RFC3: variants seen among roughly 807,000 people sequenced by gnomAD.
RFC3 encodes the protein A1 38 kDa subunit.
In RFC3, 41 loss-of-function variants were observed where a neutral mutation model predicts 45.1. The observed-to-expected ratio is 0.91, with a 90% confidence interval of 0.71 to 1.18. The LOEUF (loss-of-function observed/expected upper bound fraction) is 1.18. Among genes scored for constraint, RFC3 ranks in the 50% most tolerant of loss-of-function variants. The pLI is 0.00. For missense variants in RFC3, 423 were observed against 428.1 expected, an observed-to-expected ratio of 0.99 and a Z score of 0.10; for synonymous variants, 149 against 144.0, an observed-to-expected ratio of 1.03 and a Z score of -0.25.
intron 8 of RFC3, among the ~76,000 whole-genome samples, chr13:33,914,512 A>G (rs1461739512): frequency 5.9e-5 from 9 of 152,136 alleles, no homozygotes; most frequent in Non-Finnish European, 1.3e-4. Flanking sequence ...ATATTTTAAG[A>G]AAACAGTATG....
intron 8 of RFC3, among the ~76,000 whole-genome samples, chr13:33,885,426 T>G (rs971812493): frequency 4.6e-5 from 7 of 152,168 alleles, no homozygotes; most frequent in Admixed American, 6.5e-5. Flanking sequence ...GCTTTTACTG[T>G]AACCATCACC....
intron 8 of RFC3, among the ~76,000 whole-genome samples, chr13:33,860,555 G>A (rs955947332): frequency 1.3e-5 from 2 of 151,942 alleles, no homozygotes; most frequent in East Asian, 3.9e-4. Flanking sequence ...TGCCTGCTTT[G>A]GATGTGTTTT....
At chr13:33,957,044 A>C (rs2083026412) in intron 8 of RFC3, among the ~76,000 whole-genome samples, 2 of 152,162 alleles carry the variant, frequency 1.3e-5, no homozygotes, top group Non-Finnish European at 2.9e-5. Flanking sequence ...ATCATCGTCA[A>C]CTATTATCTA....
At chr13:33,895,618 A>C (rs1021453316) in intron 8 of RFC3, among the ~76,000 whole-genome samples, 4 of 152,170 alleles carry the variant, frequency 2.6e-5, no homozygotes, top group African/African-American at 9.6e-5. Context: ...TATTTCTAAA[A>C]GTAGATCTAC....
At chr13:33,822,777 T>C (rs899808523) in intron 2 of RFC3, among the ~76,000 whole-genome samples, 69 of 152,306 alleles carry the variant, frequency 4.5e-4, no homozygotes, top group African/African-American at 1.6e-3. Flanking sequence ...TTTTAGACTA[T>C]ATGAATTGCT....
intron 8 of RFC3, among the ~76,000 whole-genome samples, chr13:33,856,905 A>C (rs994222747): frequency 3.3e-5 from 5 of 152,158 alleles, no homozygotes; most frequent in African/African-American, 1.2e-4. Flanking sequence ...TTCCAGAGAG[A>C]GACAGGTGGT....
intron 8 of RFC3, among the ~76,000 whole-genome samples, chr13:33,896,495 G>C (rs115916622): frequency 0.063 from 9,539 of 151,660 alleles, 726 homozygotes; most frequent in African/African-American, 0.18. Context: ...AGGCCAAGAA[G>C]GGTGGATCAC....
intron 8 of RFC3, among the ~76,000 whole-genome samples, chr13:33,896,373 A>G (rs1004892465): frequency 1.3e-4 from 20 of 152,066 alleles, no homozygotes; most frequent in Non-Finnish European, 2.6e-4. Flanking sequence ...AGGGCATATA[A>G]TAGTTAAACT....
chr13:33,867,652 C>T (rs1417522028), intron 8 of RFC3, among the ~76,000 whole-genome samples: 1 of 152,100 alleles, frequency 6.6e-6, no homozygotes, highest in African/African-American at 2.4e-5. Flanking sequence ...TTACAGCTGC[C>T]CCCTACAGGC....
intron 8 of RFC3, among the ~76,000 whole-genome samples, chr13:33,925,076 T>C (rs2082795742): frequency 7.0e-6 from 1 of 141,922 alleles, no homozygotes; most frequent in South Asian, 2.2e-4. Flanking sequence ...TAGTGTACTA[T>C]ATACACGCAT....
At chr13:33,946,865 G>A (rs1323622771) in intron 8 of RFC3, among the ~76,000 whole-genome samples, 1 of 152,156 alleles carries the variant, frequency 6.6e-6, no homozygotes, top group Non-Finnish European at 1.5e-5. Flanking sequence ...AAACCATGTC[G>A]GTGAGCTTTT....
At chr13:33,842,057 A>G (rs560206940), downstream of RFC3, among the ~76,000 whole-genome samples, 2 of 152,232 alleles carry the variant, frequency 1.3e-5, no homozygotes, top group Admixed American at 6.5e-5. Context: ...TGAGGCGGGA[A>G]AGTTGCTTAG....
chr13:33,939,618 C>A (rs1186008373), intron 8 of RFC3, among the ~76,000 whole-genome samples: 1 of 152,154 alleles, frequency 6.6e-6, no homozygotes, highest in Admixed American at 6.5e-5. Flanking sequence ...AAGTATTAAA[C>A]CCGAGGAGGG....
chr13:33,928,159 T>C (rs1286461827), intron 8 of RFC3, among the ~76,000 whole-genome samples: 1 of 152,100 alleles, frequency 6.6e-6, no homozygotes, highest in Admixed American at 6.5e-5. Context: ...GTCAGGATCG[T>C]GGGCTTACCT....
intron 8 of RFC3, among the ~76,000 whole-genome samples, chr13:33,844,105 T>C (rs1038582869): frequency 1.3e-5 from 2 of 152,226 alleles, no homozygotes; most frequent in African/African-American, 4.8e-5. Context: ...CTAGTGGTTA[T>C]GAATGATCTG....
intron 8 of RFC3, among the ~76,000 whole-genome samples, chr13:33,904,057 A>G (rs1180520710): frequency 6.6e-6 from 1 of 152,074 alleles, no homozygotes; most frequent in Admixed American, 6.6e-5. Context: ...TGTTTAAAAT[A>G]CTTATTTCTG....
intron 8 of RFC3, among the ~76,000 whole-genome samples, chr13:33,863,498 A>G (rs924370394): frequency 2.0e-5 from 3 of 152,204 alleles, no homozygotes; most frequent in Non-Finnish European, 4.4e-5. Flanking sequence ...GGTCTGTGTC[A>G]TTTAACCACA....
intron 8 of RFC3, among the ~76,000 whole-genome samples, chr13:33,858,199 C>A (rs1211959343): frequency 1.3e-5 from 2 of 152,136 alleles, no homozygotes; most frequent in Non-Finnish European, 1.5e-5. Flanking sequence ...CAAAATAGAG[C>A]AGCTTGGCCA....
intron 1 of RFC3, among the ~76,000 whole-genome samples, chr13:33,819,779 T>C (rs1236609255): frequency 1.3e-5 from 2 of 152,238 alleles, no homozygotes; most frequent in African/African-American, 4.8e-5. Flanking sequence ...AATGGTCTTA[T>C]GTGTTAAATT....
Sources: allele counts gnomAD v4.1 joint callset (sites outside exome capture counted in the v4.1 genomes callset), GRCh38; gene constraint gnomAD v4.1.1; transcripts MANE v1.5; gene names NCBI Gene and HGNC (gene_info 2026-07-23, HGNC 2026-07-21).